The following POLQ variants were observed in gnomAD, a reference collection of about 807,000 sequenced individuals.
The protein encoded by POLQ is epididymis secretory sperm binding protein.
POLQ carries 233 observed loss-of-function variants against 259.2 expected under a neutral mutation model. The observed-to-expected ratio is 0.90, with a 90% CI of 0.81 to 1.00. The LOEUF is 1.00. POLQ is among the 50% of genes least tolerant of loss of function. The pLI is 0.00. For missense variants in POLQ, 2,871 were observed against 3,051.6 expected (o/e 0.94, Z 1.39); for synonymous variants, 1,025 against 1,048.8 (o/e 0.98, Z 0.44).
chr3:121,439,228 CTTTTT>C (rs5852268), intron 27 of POLQ, among the ~76,000 whole-genome samples: 1 of 143,050 alleles, frequency 7.0e-6, no homozygotes, highest in Admixed American at 7.0e-5. Flanking sequence ...GAGATAGTGC[CTTTTT>C]TTTTTTTTTT....
rs182830572 is a variant in POLQ, at chr3:121,537,305, A to G, written c.632-97T>C. ...TTTCACTCTATTTAATTTCCTTTAT[A>G]TCAACTTTTATTTTAGATTTGGGGG... is the stretch of plus-strand genomic sequence containing the variant. On this transcript the variant is annotated intron_variant, in intron 4 of 29. Transcript: ENST00000264233. 19 of 703,518 alleles carry G rather than the reference A, an allele frequency of 2.7e-5. No homozygotes were observed. In the Admixed American group the frequency reaches 4.5e-4, roughly 17 times the overall value. 43.6% of individuals were successfully genotyped at this position (703,518 alleles called of 1,614,324 possible). A position where few individuals can be genotyped will look rare whatever the true frequency, so the allele number is the denominator to read the frequency against.
intron 14 of POLQ, chr3:121,494,188 G>A (rs1311383902): frequency 2.6e-5 from 31 of 1,211,246 alleles, no homozygotes; most frequent in Non-Finnish European, 3.2e-5. Context: ...GGCTAAGAAA[G>A]TGGTGAATCC....
At chr3:121,455,966 T>A (rs1479034423) in intron 25 of POLQ, among the ~76,000 whole-genome samples, 1 of 152,166 alleles carries the variant, frequency 6.6e-6, no homozygotes, top group African/African-American at 2.4e-5. Flanking sequence ...TGATGAACAT[T>A]GATGCAAAAA....
In POLQ at chr3:121,436,289, T is replaced by TC; in HGVS notation, c.7390-15dup. On this transcript the variant is annotated splice_polypyrimidine_tract_variant and intron_variant, in intron 27 of 29. Transcript: ENST00000264233. ...TTGACGCTCAGCCTAGAAAAAACAA[T>TC]CAACAGGTGCTCCACCAGATATGCC... 6.2e-7 allele frequency: 1 copy of TC among 1,613,006 alleles called. No homozygotes were observed. The highest frequency in any genetic ancestry group is 8.5e-7 in the Non-Finnish European group (1 of 1,179,198).
chr3:121,501,057 G>A (rs533580932), intron 12 of POLQ, among the ~76,000 whole-genome samples: 13 of 152,230 alleles, frequency 8.5e-5, no homozygotes, highest in Non-Finnish European at 1.8e-4. Context: ...TCCACCTCCT[G>A]GGCGGAAGCC....
chr3:121,519,900 C>G lies in POLQ; in HGVS notation c.1439G>C (p.Arg480Pro), dbSNP rs747351072. The G allele has an allele frequency of 1.9e-6, 3 of 1,602,712 alleles. No homozygotes were observed. Among genetic ancestry groups the G allele is most frequent in the Non-Finnish European group, 1.7e-6 (2 of 1,169,806 alleles). The change falls in exon 9 of 30, where the codon CGT becomes CCT. Residue 480 changes from arginine (R) to proline (P), a missense_variant. Transcript: ENST00000264233. ...DILTYKQMVG[R>P]AGRKGVDTVG... ...TGTGTCCACTCCTTTCCTGCCAGCA[C>G]GGCCAACCATCTGCTTATAAGTAAG...
intron 4 of POLQ, 122 bp from the exon 5 acceptor site, chr3:121,537,330 G>C (rs528788169): frequency 1.4e-5 from 9 of 646,312 alleles, no homozygotes. Context: ...AGATTTGGGG[G>C]TACATGTGAA....
In POLQ at chr3:121,472,003, C is replaced by G. The variant is rs779273388; in HGVS notation, c.6705G>C (p.Ser2235=). The change falls in exon 22 of 30, where the codon TCG becomes TCC. Residue 2235 remains serine (S), a synonymous_variant. Coordinates refer to ENST00000264233, the MANE Select transcript of POLQ (RefSeq NM_199420.4). ...GMERIYPVSQ[S]HTATGRITFT... ...ATTTCTCATCACCTGTAGCAGTGTG[C>G]GACTGTGATACAGGATAGATTCTTT... 6.6e-7 allele frequency: 1 copy of G among 1,512,888 alleles called. No individual in the cohort carries two copies. Among genetic ancestry groups the G allele is most frequent in the Admixed American group, 1.8e-5 (1 of 54,762 alleles). 93.7% of individuals were successfully genotyped at this position (1,512,888 alleles called of 1,614,324 possible).
chr3:121,459,903 C>T, intron 25 of POLQ, 147 bp downstream of exon 25: 2 of 635,670 alleles, frequency 3.1e-6, no homozygotes, highest in Admixed American at 2.9e-5. Context: ...ATAATGAATA[C>T]CATGAGATAA....
At chr3:121,448,521 C>T (rs1351611411) in intron 26 of POLQ, among the ~76,000 whole-genome samples, 5 of 151,892 alleles carry the variant, frequency 3.3e-5, no homozygotes, top group Non-Finnish European at 5.9e-5. Flanking sequence ...TGCATGCCAC[C>T]ACGCCCAGGT....
intron 7 of POLQ, among the ~76,000 whole-genome samples, chr3:121,528,499 AC>A (rs1560107671): frequency 6.6e-6 from 1 of 151,816 alleles, no homozygotes; most frequent in Admixed American, 6.6e-5. Context: ...GTGCACCACC[AC>A]ACCCAGCTAA....
At chr3:121,478,203 C>T (rs1030648693) in intron 19 of POLQ, among the ~76,000 whole-genome samples, 12 of 152,226 alleles carry the variant, frequency 7.9e-5, no homozygotes, top group Non-Finnish European at 1.2e-4. Context: ...AAGGCTACTG[C>T]GGTCCTTTGA....
At chr3:121,472,232 C>A in intron 21 of POLQ, 68 bp from the exon 22 acceptor site, 1 of 723,304 alleles carries the variant, frequency 1.4e-6, no homozygotes, top group Non-Finnish European at 2.2e-6. Context: ...AATCTCTTTT[C>A]TGTAAATAAT....
In POLQ at chr3:121,487,425, G is replaced by T; in HGVS notation, c.5506C>A (p.Leu1836Ile). 1 of 1,614,028 alleles carries T rather than the reference G, an allele frequency of 6.2e-7. No homozygotes were observed. Among genetic ancestry groups the T allele is most frequent in the Non-Finnish European group, 8.5e-7 (1 of 1,179,956 alleles). The change falls in exon 16 of 30, where the codon CTT (leucine) becomes ATT (isoleucine). Residue 1836 changes from leucine to isoleucine, a missense_variant. Leu to Ile is a conservative substitution (Grantham distance 5, BLOSUM62 2). Transcript: ENST00000264233. ...SIIDVASDQN[L>I]FQTFIKEWRC... Reference sequence around the variant, plus strand: ...CACTCCTTAATGAATGTTTGGAAAAGATTTTGGTCACTTGCTACATCAATT... The same window carrying T: ...CACTCCTTAATGAATGTTTGGAAAATATTTTGGTCACTTGCTACATCAATT...
chr3:121,440,852 CA>C (rs2047585891), intron 26 of POLQ, among the ~76,000 whole-genome samples: 1 of 151,982 alleles, frequency 6.6e-6, no homozygotes, highest in African/African-American at 2.4e-5. Flanking sequence ...CACTATGATC[CA>C]AAGTAGGACC....
rs372238843 is a variant in POLQ, at chr3:121,440,009, G to C, written c.7372C>G (p.Pro2458Ala). 3.1e-6 allele frequency: 5 copies of C among 1,613,450 alleles called. No individual in the cohort carries two copies. The Admixed American group carries it at 6.7e-5, about 22-fold the overall frequency. The change falls in exon 27 of 30, where the codon CCT (proline) becomes GCT (alanine). Residue 2458 changes from proline (P) to alanine (A), a missense_variant. Around this residue, in one of 3 missense-constraint regions of POLQ, gnomAD observed 2,080 missense variants for 2,126.0 expected, o/e 0.98. Coordinates refer to ENST00000264233, the MANE Select transcript of POLQ (RefSeq NM_199420.4). ...RYLPGIKDNN[P>A]YRKAHAERQA... ...CAACATACGTGAGCTTTACGATAAG[G>C]GTTGTTGTCTTTGATTCCTGGCAAA...
Position 121,510,945 on chromosome 3 carries a change from G to A in POLQ, c.1612-702C>T, listed in dbSNP as rs537295939. Among the ~76,000 whole-genome samples, 7 of 152,184 alleles carry A rather than the reference G, an allele frequency of 4.6e-5. No homozygotes were observed. The South Asian group carries it at 1.2e-3, about 27-fold the overall frequency. ...CTGAAAATACAAAAATTAACTGGGT[G>A]AGCCAGGCGCAGTAGCTCACGCCCG... On this transcript the variant is annotated intron_variant, in intron 10 of 29. Coordinates refer to ENST00000264233, the MANE Select transcript of POLQ (RefSeq NM_199420.4).
chr3:121,541,355 G>A lies in POLQ; in HGVS notation c.468C>T (p.Tyr156=), dbSNP rs1210345081. The change falls in exon 3 of 30, where the codon TAC becomes TAT. Residue 156 remains tyrosine, a synonymous_variant. Transcript: ENST00000264233. ...FVSVAKEKKY[Y]LQSLFQEVGI... ...ACTTAGTAAAAAACATTACCTGGAG[G>A]TAGTATTTCTTCTCTTTAGCCACAG... 4 of 1,597,000 alleles carry A rather than the reference G, an allele frequency of 2.5e-6. No homozygotes were observed. Among genetic ancestry groups the A allele is most frequent in the Non-Finnish European group, 3.4e-6 (4 of 1,173,346 alleles).
intron 12 of POLQ, among the ~76,000 whole-genome samples, chr3:121,507,620 A>C (rs1302523014): frequency 1.3e-5 from 2 of 152,188 alleles, no homozygotes; most frequent in East Asian, 3.9e-4. Flanking sequence ...CCAGCTACTC[A>C]GGAGGCTAAG....
Sources: gnomAD v4.1 joint callset for allele counts (sites outside exome capture counted in the v4.1 genomes callset) on GRCh38, gnomAD v4.1.1 for gene constraint, gnomAD v4.1.1 regional missense constraint, MANE v1.5 for transcripts, NCBI Gene and HGNC (gene_info 2026-07-23, HGNC 2026-07-21) for gene names.